Variants in NF1 observed in about 807,000 individuals in gnomAD.
NF1 encodes neurofibromin.
NF1 carries 122 observed loss-of-function variants against 325.7 expected under a neutral mutation model. The observed-to-expected ratio is 0.37, with a 90% CI of 0.32 to 0.44. The LOEUF is 0.44. NF1 is among the 20% of genes least tolerant of loss of function. The pLI is 1.00. For missense variants in NF1, 2,140 were observed against 3,415.4 expected (o/e 0.63, Z 9.31); for synonymous variants, 1,091 against 1,186.0 (o/e 0.92, Z 1.65).
chr17:31,152,046 C>T (rs1277711097), intron 1 of NF1, among the ~76,000 whole-genome samples: 4 of 151,950 alleles, frequency 2.6e-5, no homozygotes, highest in Non-Finnish European at 5.9e-5. Flanking sequence ...CCCTACCCCA[C>T]GACAGGCCCC....
chr17:31,204,481 T>G (rs1227706723), intron 11 of NF1, among the ~76,000 whole-genome samples: 1 of 152,128 alleles, frequency 6.6e-6, no homozygotes, highest in East Asian at 1.9e-4. Context: ...AAGGGCACAT[T>G]TAGTAACTGC....
intron 20 of NF1, 151 bp downstream of exon 20, chr17:31,227,757 G>A (rs1356584321): frequency 1.4e-6 from 1 of 717,936 alleles, no homozygotes; most frequent in Non-Finnish European, 2.5e-6. Context: ...CCTGTACTTT[G>A]TAATGTGGTA....
Position 31,335,007 on chromosome 17 carries a change from A to G in NF1, c.5982A>G (p.Ala1994=), listed in dbSNP as rs876659794. Residue 1994 remains alanine, a synonymous_variant, in exon 40 of 58, where the codon GCA becomes GCG. Transcript: ENST00000358273. Reference sequence around the variant, plus strand: ...AACAGATGTACCCATCTATTCAAGCAAAAATATGGGGAAGCCTTGGGCAGG... The same window carrying G: ...AACAGATGTACCCATCTATTCAAGCGAAAATATGGGGAAGCCTTGGGCAGG... The part of the protein sequence containing the change: ...NEKQMYPSIQ[A]KIWGSLGQIT... The G allele has an allele frequency of 7.4e-6, 12 of 1,613,240 alleles. No homozygotes were observed. Among genetic ancestry groups the G allele is most frequent in the Non-Finnish European group, 1.0e-5 (12 of 1,179,858 alleles).
intron 36 of NF1, among the ~76,000 whole-genome samples, chr17:31,292,757 C>A (rs948321387): frequency 1.3e-5 from 2 of 152,216 alleles, no homozygotes; most frequent in Non-Finnish European, 2.9e-5. Flanking sequence ...GTAGGATTGA[C>A]ATAATCCATA....
intron 8 of NF1, among the ~76,000 whole-genome samples, chr17:31,200,009 G>A (rs1164328912): frequency 6.6e-6 from 1 of 151,946 alleles, no homozygotes; most frequent in African/African-American, 2.4e-5. Flanking sequence ...GGTGGCAGGC[G>A]CCTGTAAACC....
chr17:31,215,125 A>C (rs1192516389), intron 13 of NF1, among the ~76,000 whole-genome samples: 1 of 152,092 alleles, frequency 6.6e-6, no homozygotes, highest in East Asian at 1.9e-4. Context: ...TATCATTATT[A>C]TTATTATTTT....
intron 1 of NF1, among the ~76,000 whole-genome samples, chr17:31,096,143 T>TA (rs1472617272): frequency 7.0e-6 from 1 of 142,232 alleles, no homozygotes; most frequent in African/African-American, 2.6e-5. Context: ...CCCCCCCCCT[T>TA]TTTTTTTTGC....
intron 57 of NF1, among the ~76,000 whole-genome samples, chr17:31,372,532 C>T (rs1301432490): frequency 6.6e-6 from 1 of 152,200 alleles, no homozygotes; most frequent in Non-Finnish European, 1.5e-5. Flanking sequence ...AATCCATCAT[C>T]TACATCAAGA....
Position 31,201,174 on chromosome 17 carries a change from T to G in NF1, c.1185+15T>G, listed in dbSNP as rs1194917364. The G allele has an allele frequency of 1.9e-6, 3 of 1,614,038 alleles. No individual in the cohort carries two copies. The highest frequency in any genetic ancestry group is 2.5e-6 in the Non-Finnish European group (3 of 1,179,952). On this transcript the variant is annotated intron_variant, in intron 10 of 57. Coordinates refer to ENST00000358273, the MANE Select transcript of NF1 (RefSeq NM_001042492.3). ...AACACTTTAAGGTGAGAGCATTGGT[T>G]TTTATCTAACTATATTTACTGATGC...
chr17:31,235,467 A>T, intron 27 of NF1, 144 bp from the exon 28 acceptor site: 1 of 811,004 alleles, frequency 1.2e-6, no homozygotes. Context: ...GTTAAATCTC[A>T]GGATAAATAT....
chr17:31,314,182 A>T (rs538574131), intron 36 of NF1: 244 of 390,966 alleles, frequency 6.2e-4, no homozygotes, highest in Middle Eastern at 1.3e-3. Flanking sequence ...ACTAAGAAAT[A>T]TATTACTTTA....
chr17:31,253,028 G>T, intron 31 of NF1, 28 bp downstream of exon 31: 2 of 1,578,900 alleles, frequency 1.3e-6, no homozygotes, highest in Non-Finnish European at 1.7e-6. Context: ...TTTATTAGCT[G>T]TTTCTTTCAA....
At position 31,182,795 on chromosome 17, in the gene NF1, T is replaced by C; in HGVS notation, c.888+130T>C. On this transcript the variant is annotated intron_variant, in intron 8 of 57. Coordinates refer to ENST00000358273, the MANE Select transcript of NF1 (RefSeq NM_001042492.3). The stretch of plus-strand genomic sequence containing the variant: ...GAACCATTTAAATGATCATTTTAGG[T>C]TTCTTTGTTTGATGGACTTAGAAGA... 6.5e-6 allele frequency: 6 copies of C among 920,452 alleles called. No homozygotes were observed. In the South Asian group the frequency reaches 8.8e-5, roughly 13 times the overall value. 57.0% of individuals were successfully genotyped at this position (920,452 alleles called of 1,614,324 possible). A position where few individuals can be genotyped will look rare whatever the true frequency, so the allele number is the denominator to read the frequency against.
intron 36 of NF1, 33 bp from the exon 37 acceptor site, chr17:31,325,786 TA>T: frequency 6.5e-7 from 1 of 1,533,834 alleles, no homozygotes; most frequent in Non-Finnish European, 9.0e-7. Context: ...TAAACACTGC[TA>T]ATAATCTTTG....
At chr17:31,278,493 C>CTTT (rs200450821) in intron 36 of NF1, among the ~76,000 whole-genome samples, 1 of 15,298 alleles carries the variant, frequency 6.5e-5, no homozygotes, top group African/African-American at 1.8e-4. Flanking sequence ...GTAATTGAAG[C>CTTT]TTTTTTTTTT....
At chr17:31,134,747 T>C (rs1915638116) in intron 1 of NF1, among the ~76,000 whole-genome samples, 1 of 152,186 alleles carries the variant, frequency 6.6e-6, no homozygotes, top group Admixed American at 6.5e-5. Context: ...GAGGTCTCAG[T>C]TCCTTTCTAC....
At chr17:31,206,152 A>C (rs2066616484) in intron 11 of NF1, 88 bp from the exon 12 acceptor site, 3 of 1,496,662 alleles carry the variant, frequency 2.0e-6, no homozygotes, top group South Asian at 2.3e-5. Flanking sequence ...CGACAAAAGG[A>C]TAAAACTTAA....
At chr17:31,206,740 A>G (rs1342471771) in intron 12 of NF1, among the ~76,000 whole-genome samples, 1 of 152,030 alleles carries the variant, frequency 6.6e-6, no homozygotes, top group Non-Finnish European at 1.5e-5. Flanking sequence ...CCTGGGTTAG[A>G]GTGAATGTTG....
chr17:31,177,957 C>A (rs1387130985), intron 5 of NF1, among the ~76,000 whole-genome samples: 1 of 152,118 alleles, frequency 6.6e-6, no homozygotes, highest in Admixed American at 6.5e-5. Context: ...AGGATATTAG[C>A]AGGAGAACTT....
Sources: allele counts gnomAD v4.1 joint callset (sites outside exome capture counted in the v4.1 genomes callset), GRCh38; gene constraint gnomAD v4.1.1; transcripts MANE v1.5; gene names NCBI Gene and HGNC (gene_info 2026-07-23, HGNC 2026-07-21).